MAGI1: variants seen among roughly 807,000 people sequenced by gnomAD.
The protein encoded by MAGI1 is membrane associated guanylate kinase, WW and PDZ domain containing 1, also known as membrane-associated guanylate kinase, WW and PDZ domain-containing protein 1.
In MAGI1, 58 loss-of-function variants were observed where a neutral mutation model predicts 139.9. That is an observed-to-expected ratio of 0.41 (90% CI 0.34 to 0.52). The LOEUF (loss-of-function observed/expected upper bound fraction) is 0.52, where lower values mean the gene tolerates loss of function less well. MAGI1 is among the 20% of genes least tolerant of loss of function. The pLI, the probability that MAGI1 is intolerant of heterozygous loss-of-function variation, is 0.12. For missense variants in MAGI1, 1,874 were observed against 1,901.6 expected, an observed-to-expected ratio of 0.99 and a Z score of 0.27; for synonymous variants, 812 against 737.9, an observed-to-expected ratio of 1.10 and a Z score of -1.63.
At chr3:65,740,969 T>C (rs1264796968) in intron 1 of MAGI1, among the ~76,000 whole-genome samples, 1 of 152,188 alleles carries the variant, frequency 6.6e-6, no homozygotes, top group African/African-American at 2.4e-5. Flanking sequence ...GATTTACTGT[T>C]TTTGTAATGG....
At chr3:65,530,492 T>C (rs1389894357) in intron 2 of MAGI1, among the ~76,000 whole-genome samples, 4 of 151,472 alleles carry the variant, frequency 2.6e-5, no homozygotes, top group South Asian at 2.1e-4. Context: ...TGTGTGCCTG[T>C]AGTTCCAGCT....
intron 1 of MAGI1, among the ~76,000 whole-genome samples, chr3:65,638,597 AT>A (rs1173086138): frequency 5.7e-3 from 234 of 40,982 alleles, no homozygotes; most frequent in East Asian, 9.2e-3. Context: ...TGCTCTCCTG[AT>A]TTTTTTTTTT....
chr3:65,613,305 A>G (rs1490124828), intron 2 of MAGI1, among the ~76,000 whole-genome samples: 1 of 152,226 alleles, frequency 6.6e-6, no homozygotes, highest in African/African-American at 2.4e-5. Flanking sequence ...CACTTAGCAC[A>G]GTGCCTGGTG....
chr3:65,962,394 T>C (rs924172337), intron 1 of MAGI1, among the ~76,000 whole-genome samples: 3 of 152,026 alleles, frequency 2.0e-5, no homozygotes, highest in African/African-American at 4.8e-5. Context: ...GTGCTAGGAT[T>C]ACAGGCGTGA....
At chr3:65,462,719 T>C (rs1949893422) in intron 5 of MAGI1, among the ~76,000 whole-genome samples, 1 of 152,230 alleles carries the variant, frequency 6.6e-6, no homozygotes, top group Non-Finnish European at 1.5e-5. Flanking sequence ...AGTATGGCCA[T>C]TTTCACAATA....
intron 1 of MAGI1, among the ~76,000 whole-genome samples, chr3:65,653,299 C>T (rs557226651): frequency 6.6e-6 from 1 of 152,274 alleles, no homozygotes; most frequent in East Asian, 1.9e-4. Flanking sequence ...TAGACCATTA[C>T]AGAAGCCTCC....
intron 1 of MAGI1, among the ~76,000 whole-genome samples, chr3:65,690,229 C>A (rs1206018988): frequency 6.6e-6 from 1 of 152,072 alleles, no homozygotes; most frequent in Non-Finnish European, 1.5e-5. Context: ...AAATATATTC[C>A]TTGAGAATCA....
intron 1 of MAGI1, among the ~76,000 whole-genome samples, chr3:65,947,728 C>G (rs1321254157): frequency 6.6e-6 from 1 of 152,020 alleles, no homozygotes; most frequent in African/African-American, 2.4e-5. Context: ...GCGAGCCTCC[C>G]ACATCAGCCT....
At chr3:65,624,061 A>C (rs971114323) in intron 1 of MAGI1, among the ~76,000 whole-genome samples, 1 of 152,160 alleles carries the variant, frequency 6.6e-6, no homozygotes, top group African/African-American at 2.4e-5. Flanking sequence ...AAAATAATAA[A>C]ATCACAATGA....
chr3:65,970,944 C>A (rs1402908819), intron 1 of MAGI1, among the ~76,000 whole-genome samples: 1 of 152,178 alleles, frequency 6.6e-6, no homozygotes, highest in East Asian at 1.9e-4. Flanking sequence ...GTGGCTCATG[C>A]CTGTAATCCC....
intron 2 of MAGI1, among the ~76,000 whole-genome samples, chr3:65,535,266 C>A (rs2078908595): frequency 6.6e-6 from 1 of 152,158 alleles, no homozygotes; most frequent in Admixed American, 6.5e-5. Context: ...AATAGCTCTT[C>A]AAAGGGAAGA....
At chr3:65,657,106 A>T (rs926430965) in intron 1 of MAGI1, among the ~76,000 whole-genome samples, 1 of 152,110 alleles carries the variant, frequency 6.6e-6, no homozygotes, top group Non-Finnish European at 1.5e-5. Flanking sequence ...TAAAAACTTT[A>T]CATACATCCC....
intron 1 of MAGI1, among the ~76,000 whole-genome samples, chr3:65,915,376 A>G (rs187705623): frequency 6.6e-6 from 1 of 152,326 alleles, no homozygotes; most frequent in East Asian, 1.9e-4. Flanking sequence ...ACACCTTGCA[A>G]TGTGCACAGT....
At chr3:65,380,696 TTAAAA>T (rs1245968708) in intron 16 of MAGI1, 1 of 152,164 alleles carries the variant, frequency 6.6e-6, no homozygotes, top group East Asian at 1.9e-4. Flanking sequence ...TATTTAAGAT[TTAAAA>T]AAATAAACCT....
intron 1 of MAGI1, among the ~76,000 whole-genome samples, chr3:65,970,360 T>C (rs1371754564): frequency 6.6e-6 from 1 of 152,040 alleles, no homozygotes. Context: ...GGACTTAATA[T>C]GTAATCGATA....
At chr3:65,896,803 T>C (rs902338555) in intron 1 of MAGI1, among the ~76,000 whole-genome samples, 3 of 152,240 alleles carry the variant, frequency 2.0e-5, no homozygotes, top group Non-Finnish European at 4.4e-5. Context: ...GGCTTTTCTT[T>C]GACATGGCAA....
intron 2 of MAGI1, among the ~76,000 whole-genome samples, chr3:65,604,249 A>G (rs1001745162): frequency 2.6e-5 from 4 of 152,136 alleles, no homozygotes; most frequent in African/African-American, 9.7e-5. Flanking sequence ...CAAAGAAGAC[A>G]CTAATAAAAA....
chr3:65,654,331 CACGGAGATATACAAA>C (rs780881092), intron 1 of MAGI1, among the ~76,000 whole-genome samples: 38 of 152,226 alleles, frequency 2.5e-4, no homozygotes, highest in Admixed American at 1.0e-3. Context: ...TTAACGTACA[CACGGAGATATACAAA>C]ACTGAGGGCG....
In MAGI1 at chr3:65,528,626, A is replaced by G. The variant is rs146580407; in HGVS notation, c.431-34995T>C. On this transcript the variant is annotated intron_variant, in intron 2 of 22. Transcript: ENST00000402939. ...TGTGATCATTTCAATTTGATAATCT[A>G]TAAGAGTTAAGCACTTTGCAGGATG... Among the ~76,000 whole-genome samples, 475 of 152,360 alleles carry G rather than the reference A, an allele frequency of 3.1e-3. 2 individuals are homozygous for G. Among genetic ancestry groups the G allele is most frequent in the African/African-American group, 0.011 (444 of 41,594 alleles).
Sources: gnomAD v4.1 joint callset for allele counts (sites outside exome capture counted in the v4.1 genomes callset) on GRCh38, gnomAD v4.1.1 for gene constraint, MANE v1.5 for transcripts, NCBI Gene and HGNC (gene_info 2026-07-23, HGNC 2026-07-21) for gene names.